The following SPEN variants were observed in gnomAD, a reference collection of about 807,000 sequenced individuals.
SPEN encodes msx2-interacting protein.
A neutral mutation model predicts 269.9 loss-of-function variants in SPEN; 18 were observed. That is an observed-to-expected ratio of 0.07 (90% CI 0.05 to 0.10). The LOEUF is 0.10. Among genes scored for constraint, SPEN ranks in the 10% least tolerant of loss-of-function variants. The pLI is 1.00. For synonymous variants in SPEN, 1,726 were observed against 1,765.7 expected, an observed-to-expected ratio of 0.98 and a Z score of 0.56; for missense variants, 3,822 against 4,631.2, an observed-to-expected ratio of 0.83 and a Z score of 5.07.
chr1:15,896,340 C>T (rs999173887), intron 3 of SPEN, among the ~76,000 whole-genome samples: 1 of 151,784 alleles, frequency 6.6e-6, no homozygotes, highest in Admixed American at 6.6e-5. Flanking sequence ...GGACTGCAGG[C>T]GTGTGCCACC....
chr1:15,884,747 T>A, intron 3 of SPEN, among the ~76,000 whole-genome samples: 1 of 152,022 alleles, frequency 6.6e-6, no homozygotes, highest in African/African-American at 2.4e-5. Context: ...TTCTTTTTTT[T>A]TTTTAAAGGC....
intron 1 of SPEN, among the ~76,000 whole-genome samples, chr1:15,853,092 TC>T (rs1490832758): frequency 6.6e-6 from 1 of 152,230 alleles, no homozygotes; most frequent in Non-Finnish European, 1.5e-5. Context: ...GCTCAAGTGA[TC>T]CTCCCACCTT....
chr1:15,857,501 C>T (rs532941339), intron 1 of SPEN, among the ~76,000 whole-genome samples: 2 of 151,988 alleles, frequency 1.3e-5, no homozygotes, highest in East Asian at 1.9e-4. Context: ...GGATTACAGG[C>T]GTGTGCTACC....
intron 1 of SPEN, among the ~76,000 whole-genome samples, chr1:15,860,122 AG>A (rs1344135478): frequency 6.6e-6 from 1 of 151,668 alleles, no homozygotes; most frequent in East Asian, 2.0e-4. Context: ...TGTGTTAGCC[AG>A]GATGGTCTCG....
Position 15,929,087 on chromosome 1 carries a change from T to C in SPEN, c.2847T>C (p.Val949=). The C allele has an allele frequency of 6.2e-7, 1 of 1,614,192 alleles. No individual in the cohort carries two copies. The highest frequency in any genetic ancestry group is 8.5e-7 in the Non-Finnish European group (1 of 1,180,042). Residue 949 remains valine, a synonymous_variant, in exon 11 of 15, where the codon GTT becomes GTC. Coordinates refer to ENST00000375759, the MANE Select transcript of SPEN (RefSeq NM_015001.3). This position sits in a 1 kb window ranked among gnomAD's most constrained non-coding sequence, Gnocchi z 5.8. ...AGGAAAAGGGGCTTTCAAGCCATGT[T>C]GAAGTGGTGGAGAAGGAAGGCAGGC... ...VPKEKGLSSH[V]EVVEKEGRLK...
At chr1:15,861,812 C>T (rs762826726) in intron 1 of SPEN, among the ~76,000 whole-genome samples, 12 of 152,138 alleles carry the variant, frequency 7.9e-5, no homozygotes, top group East Asian at 3.9e-4. Context: ...GAAACTGAAG[C>T]GGGTGGATCA....
At chr1:15,921,335 A>G (rs2071118248) in intron 9 of SPEN, among the ~76,000 whole-genome samples, 1 of 152,232 alleles carries the variant, frequency 6.6e-6, no homozygotes, top group Admixed American at 6.5e-5. Context: ...ATCTCCAAAA[A>G]AAAGAAATCA....
chr1:15,878,142 TAA>T (rs541935138), intron 3 of SPEN, among the ~76,000 whole-genome samples: 3 of 151,934 alleles, frequency 2.0e-5, no homozygotes, highest in Non-Finnish European at 4.4e-5. Context: ...TAGTATATGT[TAA>T]AAAAAATGCT....
chr1:15,932,403 C>A lies in SPEN; in HGVS notation c.6163C>A (p.Pro2055Thr), dbSNP rs777876598. The change falls in exon 11 of 15, where the codon CCT (proline) becomes ACT (threonine). Residue 2055 changes from proline to threonine, a missense_variant. By Grantham distance (38) the Pro-to-Thr change is conservative. Coordinates refer to ENST00000375759, the MANE Select transcript of SPEN (RefSeq NM_015001.3). The surrounding 1 kb of genome is among the most constrained non-coding windows in gnomAD (Gnocchi z 4.2). ...AGATGCTGGCACAGACAAAAACCCC[C>A]CTGAAACCGCCCCTGTTGAAGTTGT... ...RKDAGTDKNP[P>T]ETAPVEVVEK... 18 of 1,613,996 alleles carry A rather than the reference C, an allele frequency of 1.1e-5. No individual in the cohort carries two copies. Among genetic ancestry groups the A allele is most frequent in the Non-Finnish European group, 1.5e-5 (18 of 1,180,044 alleles).
chr1:15,872,937 A>G lies in SPEN; in HGVS notation c.205A>G (p.Met69Val), dbSNP rs1490211048. ...GAAAGCTCACAACTCGGTCAACAAAATGGGTGACAGAGACCTACGCACGGA... is the reference window on the plus strand; with the variant it reads ...GAAAGCTCACAACTCGGTCAACAAAGTGGGTGACAGAGACCTACGCACGGA... The part of the protein sequence containing the change: ...AQKAHNSVNK[M>V]GDRDLRTDYN... Residue 69 changes from methionine to valine, a missense_variant, in exon 2 of 15, where the codon ATG (methionine) becomes GTG (valine). By Grantham distance (21) the Met-to-Val change is conservative. Coordinates refer to ENST00000375759, the MANE Select transcript of SPEN (RefSeq NM_015001.3). 1.2e-6 allele frequency: 2 copies of G among 1,608,720 alleles called. No homozygotes were observed. The highest frequency in any genetic ancestry group is 1.1e-5 in the South Asian group (1 of 90,912).
In SPEN at chr1:15,938,014, T is replaced by C; in HGVS notation, c.10704+8T>C. On this transcript the variant is annotated splice_region_variant and intron_variant, in intron 13 of 14. Coordinates refer to ENST00000375759, the MANE Select transcript of SPEN (RefSeq NM_015001.3). ...GTTGCCCGAAGGATGACGGTAAGAC[T>C]CTCAGGCCCAGGTGAGCAACTGCCC... 6.3e-7 allele frequency: 1 copy of C among 1,591,590 alleles called. No individual in the cohort carries two copies. Among genetic ancestry groups the C allele is most frequent in the East Asian group, 2.2e-5 (1 of 44,618 alleles).
At chr1:15,879,460 G>C (rs2070665854) in intron 3 of SPEN, among the ~76,000 whole-genome samples, 2 of 152,018 alleles carry the variant, frequency 1.3e-5, no homozygotes, top group Non-Finnish European at 2.9e-5. Flanking sequence ...AAAAGCAGCT[G>C]TATGCTTCTA....
intron 1 of SPEN, among the ~76,000 whole-genome samples, chr1:15,857,630 T>TA (rs552099965): frequency 1.6e-3 from 247 of 152,248 alleles, no homozygotes; most frequent in African/African-American, 4.7e-3. Context: ...GTGCTGGTAT[T>TA]ACAGGCGTGA....
In SPEN at chr1:15,938,053, G is replaced by A. The variant is rs191595447; in HGVS notation, c.10704+47G>A. ...GAGCAACTGCCCCACCTACAGGGAGGAAGACGTAGGTAGTCCCTGCCAGCC... is the reference window on the plus strand; with the variant it reads ...GAGCAACTGCCCCACCTACAGGGAGAAAGACGTAGGTAGTCCCTGCCAGCC... On this transcript the variant is annotated intron_variant, in intron 13 of 14. Coordinates refer to ENST00000375759, the MANE Select transcript of SPEN (RefSeq NM_015001.3). 7.9e-6 allele frequency: 12 copies of A among 1,510,618 alleles called. No homozygotes were observed. The Admixed American group carries it at 2.1e-4, about 26-fold the overall frequency. 93.6% of individuals were successfully genotyped at this position (1,510,618 alleles called of 1,614,324 possible).
chr1:15,864,796 C>CAA (rs1261263613), intron 1 of SPEN, among the ~76,000 whole-genome samples: 3 of 150,754 alleles, frequency 2.0e-5, no homozygotes, highest in Admixed American at 6.7e-5. Flanking sequence ...CCCATCTTAA[C>CAA]CTCTTGAGTA....
At chr1:15,913,858 A>C (rs567850616) in intron 5 of SPEN, among the ~76,000 whole-genome samples, 1 of 152,204 alleles carries the variant, frequency 6.6e-6, no homozygotes, top group East Asian at 1.9e-4. Context: ...CCCTGTCTCC[A>C]AGGGGGAGAA....
chr1:15,867,060 G>A (rs1446469752), intron 1 of SPEN, among the ~76,000 whole-genome samples: 10 of 152,134 alleles, frequency 6.6e-5, no homozygotes, highest in African/African-American at 2.4e-4. Context: ...TATTCACAGA[G>A]TTGCGCAACC....
intron 3 of SPEN, among the ~76,000 whole-genome samples, chr1:15,900,022 T>G (rs2070885395): frequency 1.3e-5 from 2 of 151,992 alleles, no homozygotes; most frequent in Non-Finnish European, 2.9e-5. Flanking sequence ...ATTTTTGTAT[T>G]GTTAGTAGAG....
intron 1 of SPEN, among the ~76,000 whole-genome samples, chr1:15,866,864 G>C (rs902806750): frequency 6.6e-6 from 1 of 152,044 alleles, no homozygotes; most frequent in African/African-American, 2.4e-5. Flanking sequence ...AGTAGGATGT[G>C]GCATACAGTT....
Sources: gnomAD v4.1 joint callset for allele counts (sites outside exome capture counted in the v4.1 genomes callset) on GRCh38, gnomAD v4.1.1 for gene constraint, Gnocchi (gnomAD v3.1) non-coding constraint, MANE v1.5 for transcripts, NCBI Gene and HGNC (gene_info 2026-07-23, HGNC 2026-07-21) for gene names.